Variants in YWHAQ observed in about 807,000 individuals in gnomAD.
YWHAQ encodes tyrosine 3-monooxygenase/tryptophan 5-monooxygenase activation protein theta.
Under a neutral mutation model 28.3 loss-of-function variants are expected in YWHAQ, and 6 were observed. The ratio of observed to expected loss-of-function variants is 0.21; its 90% CI spans 0.12 to 0.42. The LOEUF is 0.42. Among genes scored for constraint, YWHAQ ranks in the 10% least tolerant of loss-of-function variants. The pLI is 1.00. For synonymous variants in YWHAQ, 143 were observed against 119.1 expected, an observed-to-expected ratio of 1.20 and a Z score of -1.31; for missense variants, 201 against 305.6, an observed-to-expected ratio of 0.66 and a Z score of 2.55.
intron 2 of YWHAQ, among the ~76,000 whole-genome samples, chr2:9,625,694 G>A (rs1405989977): frequency 6.6e-6 from 1 of 152,176 alleles, no homozygotes; most frequent in African/African-American, 2.4e-5. Flanking sequence ...GGGGAGCAAA[G>A]TGAGTATAAA....
intron 2 of YWHAQ, among the ~76,000 whole-genome samples, chr2:9,607,708 CCT>C (rs1453814311): frequency 7.1e-6 from 1 of 139,984 alleles, no homozygotes; most frequent in Non-Finnish European, 1.5e-5. Flanking sequence ...CTAAATTCTT[CCT>C]CTTTTTTTTT....
In YWHAQ at chr2:9,630,667, C is replaced by A. The variant is rs984252394; in HGVS notation, c.-82-133G>T. ...ATTTCCCTCTCCCCCGCCCCCTCCC[C>A]CGCTGGGCACCCGGGGAGGCCGCGG... On this transcript the variant is annotated intron_variant, in intron 1 of 5. Transcript: ENST00000238081. This position sits in a 1 kb window ranked among gnomAD's most constrained non-coding sequence, Gnocchi z 5.6. The A allele has an allele frequency of 3.8e-5, 15 of 397,124 alleles. No homozygotes were observed. The highest frequency in any genetic ancestry group is 5.7e-5 in the Non-Finnish European group (13 of 228,016). The allele number at this position is 397,124 out of a possible 1,614,324, so 24.6% of individuals were successfully genotyped here. A position where few individuals can be genotyped will look rare whatever the true frequency, so the allele number is the denominator to read the frequency against.
chr2:9,597,338 T>A (rs920562703), intron 2 of YWHAQ, among the ~76,000 whole-genome samples: 9 of 152,202 alleles, frequency 5.9e-5, no homozygotes, highest in Admixed American at 5.2e-4. Flanking sequence ...CCTTGTGTTA[T>A]TTTTAAATGT....
chr2:9,628,692 T>C (rs988043414), intron 2 of YWHAQ: 1 of 152,210 alleles, frequency 6.6e-6, no homozygotes, highest in African/African-American at 2.4e-5. Flanking sequence ...CAAGTTGAAG[T>C]CTACCACTAC....
At chr2:9,621,464 C>T (rs1667141562) in intron 2 of YWHAQ, among the ~76,000 whole-genome samples, 1 of 152,196 alleles carries the variant, frequency 6.6e-6, no homozygotes, top group Admixed American at 6.5e-5. Flanking sequence ...TGGCAACCAA[C>T]AATTACAGTG....
intron 2 of YWHAQ, among the ~76,000 whole-genome samples, chr2:9,597,582 G>A (rs1043969859): frequency 6.7e-6 from 1 of 149,312 alleles, no homozygotes; most frequent in Admixed American, 6.7e-5. Flanking sequence ...AAAGGCAGAG[G>A]GTTGCAGTGA....
chr2:9,593,824 C>G (rs189934625), intron 2 of YWHAQ, among the ~76,000 whole-genome samples: 1 of 150,982 alleles, frequency 6.6e-6, no homozygotes, highest in East Asian at 1.9e-4. Flanking sequence ...CAAAAGAGAT[C>G]CTGTCTGTCT....
chr2:9,593,393 G>A (rs557376312), intron 2 of YWHAQ, among the ~76,000 whole-genome samples: 1 of 152,122 alleles, frequency 6.6e-6, no homozygotes, highest in South Asian at 2.1e-4. Context: ...ATTTTTAGTA[G>A]AGACAGGGTT....
intron 5 of YWHAQ, among the ~76,000 whole-genome samples, chr2:9,585,876 G>A (rs1244205522): frequency 6.9e-6 from 1 of 145,904 alleles, no homozygotes; most frequent in Admixed American, 7.0e-5. Flanking sequence ...TTATGACACT[G>A]CACTCCAGCC....
Position 9,630,713 on chromosome 2 carries a change from G to C in YWHAQ, c.-82-179C>G, listed in dbSNP as rs6754543. 0.056 allele frequency: 10,907 copies of C among 196,290 alleles called. 1,169 individuals carry two copies. The highest frequency in any genetic ancestry group is 0.23 in the African/African-American group (9,688 of 42,776). 12.2% of individuals were successfully genotyped at this position (196,290 alleles called of 1,614,324 possible). A position where few individuals can be genotyped will look rare whatever the true frequency, so the allele number is the denominator to read the frequency against. ...CGCGGCCCGCGGCTGGAGGAGGCGGGGGCGGCGCGGAGGCCCCGCGCGCAG... is the reference window on the plus strand; with the variant it reads ...CGCGGCCCGCGGCTGGAGGAGGCGGCGGCGGCGCGGAGGCCCCGCGCGCAG... On this transcript the variant is annotated intron_variant, in intron 1 of 5. Coordinates refer to ENST00000238081, the MANE Select transcript of YWHAQ (RefSeq NM_006826.4). This position sits in a 1 kb window ranked among gnomAD's most constrained non-coding sequence, Gnocchi z 5.6.
chr2:9,627,911 CG>C (rs1436482187), intron 2 of YWHAQ, among the ~76,000 whole-genome samples: 1 of 152,198 alleles, frequency 6.6e-6, no homozygotes, highest in Non-Finnish European at 1.5e-5. Context: ...CCCAAAAAAA[CG>C]GTATCTTTGT....
chr2:9,628,598 A>G (rs1281498603), intron 2 of YWHAQ: 1 of 152,258 alleles, frequency 6.6e-6, no homozygotes, highest in Non-Finnish European at 1.5e-5. Flanking sequence ...AAATACATAC[A>G]TAGAAAACCT....
In YWHAQ at chr2:9,625,091, T is replaced by A. The variant is rs1412869685; in HGVS notation, c.294+5068A>T. On this transcript the variant is annotated intron_variant, in intron 2 of 5. Coordinates refer to ENST00000238081, the MANE Select transcript of YWHAQ (RefSeq NM_006826.4). The stretch of plus-strand genomic sequence containing the variant: ...CAACAAAAACCTTGGCTGGGGCACA[T>A]CTCTACCAAAAATACAAAAAATTAG... Among the ~76,000 whole-genome samples the A allele has an allele frequency of 2.0e-5, 3 of 151,636 alleles. No individual in the cohort carries two copies. In the East Asian group the frequency reaches 5.9e-4, roughly 30 times the overall value.
chr2:9,591,462 G>C lies in YWHAQ; in HGVS notation c.348C>G (p.Val116=). 6.2e-7 allele frequency: 1 copy of C among 1,611,718 alleles called. No individual in the cohort carries two copies. The highest frequency in any genetic ancestry group is 8.5e-7 in the Non-Finnish European group (1 of 1,178,264). ...AATCACCCTTCATTTTCAGATAGAA[G>C]ACCTTACTCTCTGGATTAGTTGCAT... ...IANATNPESK[V]FYLKMKGDYF... Residue 116 remains valine, a synonymous_variant, in exon 3 of 6, where the codon GTC becomes GTG. Coordinates refer to ENST00000238081, the MANE Select transcript of YWHAQ (RefSeq NM_006826.4).
At chr2:9,609,030 T>C (rs912496804) in intron 2 of YWHAQ, among the ~76,000 whole-genome samples, 2 of 152,212 alleles carry the variant, frequency 1.3e-5, no homozygotes, top group East Asian at 1.9e-4. Context: ...ACAAACAGGA[T>C]AGTCAGTTCC....
intron 3 of YWHAQ, 145 bp from the exon 4 acceptor site, chr2:9,588,473 CA>C (rs1666390473): frequency 9.9e-7 from 1 of 1,009,434 alleles, no homozygotes; most frequent in African/African-American, 1.7e-5. Flanking sequence ...TGGTAGCTAA[CA>C]AAAAACATTA....
chr2:9,625,261 CA>C (rs74914593), intron 2 of YWHAQ, among the ~76,000 whole-genome samples: 1,244 of 101,058 alleles, frequency 0.012, 14 homozygotes, highest in East Asian at 0.1. Flanking sequence ...GACTCCATCA[CA>C]AAAAAAAAAA....
rs544039823 is a variant in YWHAQ at position 9,585,858 on chromosome 2, A to C, written c.679-513T>G. Among the ~76,000 whole-genome samples, 4 of 150,542 alleles carry C rather than the reference A, an allele frequency of 2.7e-5. 1 individual carries two copies. In the South Asian group the frequency reaches 6.3e-4, roughly 24 times the overall value. ...AATCCAGGAGGTTGAGGCTGGAGTGATCCATGATTATGACACTGCACTCCA... is the reference window on the plus strand; with the variant it reads ...AATCCAGGAGGTTGAGGCTGGAGTGCTCCATGATTATGACACTGCACTCCA... On this transcript the variant is annotated intron_variant, in intron 5 of 5. Coordinates refer to ENST00000238081, the MANE Select transcript of YWHAQ (RefSeq NM_006826.4).
At chr2:9,605,140 C>CTTTTTTTTT (rs35332379) in intron 2 of YWHAQ, among the ~76,000 whole-genome samples, 1 of 138,424 alleles carries the variant, frequency 7.2e-6, no homozygotes, top group Non-Finnish European at 1.5e-5. Context: ...TCTGTTCTCT[C>CTTTTTTTTT]TTTTTTTTTT....
Sources: gnomAD v4.1 joint callset for allele counts (sites outside exome capture counted in the v4.1 genomes callset) on GRCh38, gnomAD v4.1.1 for gene constraint, Gnocchi (gnomAD v3.1) non-coding constraint, MANE v1.5 for transcripts, NCBI Gene and HGNC (gene_info 2026-07-23, HGNC 2026-07-21) for gene names.